The following OLFM1 variants were observed in gnomAD, a reference collection of about 807,000 sequenced individuals.
OLFM1 encodes the protein olfactomedin 1, also known as noelin.
Under a neutral mutation model 49.7 loss-of-function variants are expected in OLFM1, and 9 were observed. That is an observed-to-expected ratio of 0.18 (90% CI 0.11 to 0.32). The LOEUF (loss-of-function observed/expected upper bound fraction) is 0.32, where lower values mean the gene tolerates loss of function less well. Ranked by LOEUF, OLFM1 falls within the 10% of genes least tolerant of loss-of-function variation. The probability of loss-of-function intolerance (pLI) is 1.00; values close to 1 mark genes in which losing one functional copy is unlikely to be tolerated. For missense variants in OLFM1, 369 were observed against 661.8 expected, an observed-to-expected ratio of 0.56 and a Z score of 4.85; for synonymous variants, 240 against 271.8, an observed-to-expected ratio of 0.88 and a Z score of 1.15.
chr9:135,090,386 T>TTGTGTG (rs10633472), intron 2 of OLFM1, 42 bp downstream of exon 2: 3 of 1,203,758 alleles, frequency 2.5e-6, no homozygotes, highest in South Asian at 2.9e-5. Flanking sequence ...GTGTGTGTGT[T>TTGTGTG]TGTGTGTGTG....
intron 3 of OLFM1, chr9:135,097,798 T>C (rs1226742193): frequency 6.2e-7 from 1 of 1,613,640 alleles, no homozygotes; most frequent in Non-Finnish European, 8.5e-7. Context: ...TTAAAAGAGT[T>C]TTTTCAATGC....
chr9:135,091,874 G>C (rs912526534), intron 2 of OLFM1, among the ~76,000 whole-genome samples: 4 of 76,968 alleles, frequency 5.2e-5, no homozygotes, highest in African/African-American at 1.5e-4. Flanking sequence ...CTCACACACA[G>C]TCACACACAC....
intron 3 of OLFM1, among the ~76,000 whole-genome samples, chr9:135,096,417 C>T (rs1434089619): frequency 1.3e-5 from 2 of 152,110 alleles, no homozygotes; most frequent in Non-Finnish European, 2.9e-5. Flanking sequence ...CAGAAATGGT[C>T]ATTTGGGGCA....
At chr9:135,087,555 G>T (rs1344726354), upstream of OLFM1, 4 of 1,185,164 alleles carry the variant, frequency 3.4e-6, no homozygotes, top group African/African-American at 6.5e-5. Flanking sequence ...GGGGGCGGCG[G>T]GGAGCCGAGC....
chr9:135,078,851 C>T (rs938980683), intron 1 of OLFM1, among the ~76,000 whole-genome samples: 2 of 152,218 alleles, frequency 1.3e-5, no homozygotes, highest in Non-Finnish European at 2.9e-5. Context: ...GCCTCATTCT[C>T]ACCCCGATCC....
chr9:135,077,185 C>A, intron 1 of OLFM1: 1 of 1,538,058 alleles, frequency 6.5e-7, no homozygotes, highest in Non-Finnish European at 8.8e-7. Flanking sequence ...CACAGGGGAG[C>A]AGATACCTGC....
Position 135,075,935 on chromosome 9 carries a change from G to A in OLFM1, c.96+133G>A, listed in dbSNP as rs551896951. On this transcript the variant is annotated intron_variant, in intron 1 of 5. Transcript: ENST00000252854. Reference sequence around the variant, plus strand: ...CGGCCTGGGCGCCCGAAGTGCCGGGGTTGGGGAGGGGGCCAGGGCGCTAGG... The same window carrying A: ...CGGCCTGGGCGCCCGAAGTGCCGGGATTGGGGAGGGGGCCAGGGCGCTAGG... 1.6e-4 allele frequency: 212 copies of A among 1,337,518 alleles called. No individual in the cohort carries two copies. In the African/African-American group the frequency reaches 2.8e-3, roughly 18 times the overall value. The allele number at this position is 1,337,518 out of a possible 1,614,324, so 82.9% of individuals were successfully genotyped here. A position where few individuals can be genotyped will look rare whatever the true frequency, so the allele number is the denominator to read the frequency against.
In OLFM1 at chr9:135,113,776, G is replaced by A. The variant is rs1274049032; in HGVS notation, c.784-5728G>A. Among the ~76,000 whole-genome samples the A allele has an allele frequency of 3.9e-5, 6 of 152,282 alleles. No individual in the cohort carries two copies. Among genetic ancestry groups the A allele is most frequent in the African/African-American group, 9.6e-5 (4 of 41,572 alleles). ...ACGGTCAGGTGGGAGACACATGCCC[G>A]ATGCCCCAGCACACGGGTGTGGAAG... On this transcript the variant is annotated intron_variant, in intron 5 of 5. Coordinates refer to ENST00000371793, the MANE Select transcript of OLFM1 (RefSeq NM_001282611.2). This position sits in a 1 kb window ranked among gnomAD's most constrained non-coding sequence, Gnocchi z 4.0.
intron 1 of OLFM1, among the ~76,000 whole-genome samples, chr9:135,089,499 G>A (rs1007092300): frequency 6.6e-6 from 1 of 152,198 alleles, no homozygotes; most frequent in African/African-American, 2.4e-5. Flanking sequence ...CAGGACTGAG[G>A]TTGGGGGTGA....
At chr9:135,091,781 TCA>T (rs1246347317) in intron 2 of OLFM1, among the ~76,000 whole-genome samples, 3 of 70,204 alleles carry the variant, frequency 4.3e-5, no homozygotes, top group Admixed American at 1.3e-4. Context: ...ACACACACAC[TCA>T]CACATAGTCA....
intron 2 of OLFM1, 78 bp from the exon 3 acceptor site, chr9:135,095,786 A>G (rs994249615): frequency 6.7e-7 from 1 of 1,498,642 alleles, no homozygotes; most frequent in East Asian, 2.3e-5. Flanking sequence ...GGAAAGGGCA[A>G]TGTCTGTACG....
chr9:135,092,140 A>T (rs1340022726), intron 2 of OLFM1, among the ~76,000 whole-genome samples: 5 of 152,104 alleles, frequency 3.3e-5, no homozygotes, highest in African/African-American at 9.7e-5. Flanking sequence ...GACAGCATTG[A>T]CCCGACTCGG....
intron 5 of OLFM1, among the ~76,000 whole-genome samples, chr9:135,107,526 G>A (rs1221437588): frequency 1.3e-5 from 2 of 151,938 alleles, no homozygotes; most frequent in Non-Finnish European, 2.9e-5. Context: ...GGCCTCGCTC[G>A]GCCCCTGGGC....
In OLFM1 at chr9:135,098,607, C is replaced by T. The variant is rs557462420; in HGVS notation, c.676+102C>T. 1.8e-5 allele frequency: 19 copies of T among 1,074,386 alleles called. No homozygotes were observed. Among genetic ancestry groups the T allele is most frequent in the Admixed American group, 8.3e-5 (4 of 48,010 alleles). 66.6% of individuals were successfully genotyped at this position (1,074,386 alleles called of 1,614,324 possible). The stretch of plus-strand genomic sequence containing the variant: ...GAAGTGGACAGCGCCCGCCTGGCTT[C>T]GCGAGGTGATGGCTGGATTAGGGCT... On this transcript the variant is annotated intron_variant, in intron 4 of 5. Coordinates refer to ENST00000371793, the MANE Select transcript of OLFM1 (RefSeq NM_001282611.2). The surrounding 1 kb of genome is among the most constrained non-coding windows in gnomAD (Gnocchi z 5.6).
chr9:135,095,920 G>A lies in OLFM1; in HGVS notation c.357G>A (p.Leu119=), dbSNP rs1830783652. 7 of 1,613,126 alleles carry A rather than the reference G, an allele frequency of 4.3e-6. No individual in the cohort carries two copies. Among genetic ancestry groups the A allele is most frequent in the Non-Finnish European group, 5.9e-6 (7 of 1,179,556 alleles). Residue 119 remains leucine, a synonymous_variant, in exon 3 of 6, where the codon TTG becomes TTA. Coordinates refer to ENST00000371793, the MANE Select transcript of OLFM1 (RefSeq NM_001282611.2). ...TGGACAGGCGGACCCAGAGAGACTT[G>A]CAGTACGTGGAGAAGATGGAGAACC... is the stretch of plus-strand genomic sequence containing the variant. The part of the protein sequence containing the change: ...EVLDRRTQRD[L]QYVEKMENQM...
At chr9:135,090,386 T>TGTG in intron 2 of OLFM1, 42 bp downstream of exon 2, 16 of 1,202,970 alleles carry the variant, frequency 1.3e-5, no homozygotes, top group Non-Finnish European at 1.5e-5. Context: ...GTGTGTGTGT[T>TGTG]TGTGTGTGTG....
At chr9:135,083,195 C>T (rs563961), upstream of OLFM1, among the ~76,000 whole-genome samples, 64,394 of 151,998 alleles carry the variant, frequency 0.42, 14,420 homozygotes, top group Non-Finnish European at 0.51. Context: ...TGCATTCAGC[C>T]CAGAGGGTGA....
At chr9:135,089,226 T>A (rs1830646639) in intron 1 of OLFM1, among the ~76,000 whole-genome samples, 2 of 152,234 alleles carry the variant, frequency 1.3e-5, no homozygotes, top group Admixed American at 1.3e-4. Context: ...CCCGATCTTC[T>A]GGGGTTGGGA....
intron 1 of OLFM1, chr9:135,075,859 G>A (rs1830457792): frequency 1.7e-5 from 26 of 1,514,944 alleles, no homozygotes; most frequent in Non-Finnish European, 2.3e-5. Flanking sequence ...GGCCCCTCGG[G>A]AGCCCCACAA....
Sources: allele counts gnomAD v4.1 joint callset (sites outside exome capture counted in the v4.1 genomes callset), GRCh38; gene constraint gnomAD v4.1.1; non-coding constraint Gnocchi (gnomAD v3.1); transcripts MANE v1.5; gene names NCBI Gene and HGNC (gene_info 2026-07-23, HGNC 2026-07-21).